Variants in LHFPL2 observed in about 807,000 individuals in gnomAD.
LHFPL2 encodes LHFPL tetraspan subfamily member 2.
In LHFPL2, 7 loss-of-function variants were observed where a neutral mutation model predicts 17.5. That is an observed-to-expected ratio of 0.40 (90% CI 0.23 to 0.75). LHFPL2 has a LOEUF of 0.75. LHFPL2 is among the 30% of genes least tolerant of loss of function. LHFPL2 has a pLI of 0.37. For missense variants in LHFPL2, 241 were observed against 294.8 expected, an observed-to-expected ratio of 0.82 and a Z score of 1.34; for synonymous variants, 134 against 116.2, an observed-to-expected ratio of 1.15 and a Z score of -0.99.
chr5:78,619,105 A>C (rs1358289342), intron 2 of LHFPL2, among the ~76,000 whole-genome samples: 3 of 152,138 alleles, frequency 2.0e-5, no homozygotes, highest in Non-Finnish European at 4.4e-5. Context: ...AGCTTACTGC[A>C]ACCTCTGCCT....
chr5:78,530,717 G>C (rs78541229), intron 3 of LHFPL2, among the ~76,000 whole-genome samples: 2,854 of 152,168 alleles, frequency 0.019, 103 homozygotes, highest in African/African-American at 0.064. Context: ...ACTCATCCTT[G>C]GTCACCAACA....
intron 3 of LHFPL2, among the ~76,000 whole-genome samples, chr5:78,532,392 C>T (rs937960733): frequency 2.6e-5 from 4 of 152,110 alleles, no homozygotes; most frequent in African/African-American, 9.7e-5. Flanking sequence ...TTTTCTCCTG[C>T]TAAGAGATGT....
At chr5:78,495,648 C>A (rs149327772) in intron 4 of LHFPL2, among the ~76,000 whole-genome samples, 144 of 152,296 alleles carry the variant, frequency 9.5e-4, no homozygotes, top group African/African-American at 3.3e-3. Flanking sequence ...CACTCAGCAC[C>A]TTTACTAAGT....
intron 3 of LHFPL2, among the ~76,000 whole-genome samples, chr5:78,517,284 C>G (rs1382006147): frequency 2.0e-5 from 3 of 152,186 alleles, no homozygotes; most frequent in African/African-American, 7.2e-5. Context: ...CTCTTTTGAC[C>G]CCCATGCTCA....
At chr5:78,638,197 A>G (rs557903638) in intron 1 of LHFPL2, among the ~76,000 whole-genome samples, 1 of 152,236 alleles carries the variant, frequency 6.6e-6, no homozygotes, top group South Asian at 2.1e-4. Context: ...TACTAAAAAT[A>G]CAAAAAAATT....
chr5:78,510,819 T>G (rs1755096806), intron 3 of LHFPL2, among the ~76,000 whole-genome samples: 1 of 152,246 alleles, frequency 6.6e-6, no homozygotes. Context: ...GTTTTGTTTT[T>G]AAGTTTGCAA....
intron 3 of LHFPL2, among the ~76,000 whole-genome samples, chr5:78,535,022 G>T (rs1001505116): frequency 6.6e-6 from 1 of 152,210 alleles, no homozygotes; most frequent in Admixed American, 6.5e-5. Context: ...CAAGTTTGTT[G>T]GAATGTACGG....
At chr5:78,557,863 G>T (rs1158978746) in intron 3 of LHFPL2, among the ~76,000 whole-genome samples, 1 of 152,192 alleles carries the variant, frequency 6.6e-6, no homozygotes, top group Admixed American at 6.5e-5. Flanking sequence ...TGGCTCTGGG[G>T]ATGCCAGTGC....
intron 2 of LHFPL2, among the ~76,000 whole-genome samples, chr5:78,589,252 C>T (rs539046753): frequency 8.2e-4 from 125 of 152,192 alleles, no homozygotes; most frequent in African/African-American, 2.9e-3. Context: ...AGGTGGATCA[C>T]GAGGTCAGGA....
chr5:78,631,456 A>T (rs765120586), intron 2 of LHFPL2, among the ~76,000 whole-genome samples: 4 of 152,244 alleles, frequency 2.6e-5, no homozygotes, highest in Admixed American at 1.3e-4. Flanking sequence ...AAACCATGCT[A>T]GGTGGGAGAT....
chr5:78,582,960 C>A (rs1019847423), intron 2 of LHFPL2, among the ~76,000 whole-genome samples: 37 of 152,194 alleles, frequency 2.4e-4, no homozygotes, highest in African/African-American at 8.4e-4. Flanking sequence ...CTTTATGAAT[C>A]TGGGTGCTCC....
intron 3 of LHFPL2, among the ~76,000 whole-genome samples, chr5:78,524,386 G>C (rs1198846326): frequency 1.3e-5 from 2 of 152,160 alleles, no homozygotes; most frequent in Admixed American, 1.3e-4. Flanking sequence ...AAAATGTCTG[G>C]CGTAATTATT....
chr5:78,645,743 C>A (rs534770182), intron 1 of LHFPL2, among the ~76,000 whole-genome samples: 3 of 152,204 alleles, frequency 2.0e-5, no homozygotes, highest in African/African-American at 7.2e-5. Flanking sequence ...CCACCACACC[C>A]GGCTAATTTT....
chr5:78,584,837 G>GT lies in LHFPL2; in HGVS notation c.-244-19967dup, dbSNP rs1382883355. ...CCTGTTGGAGCTTCCTGGCTGCTCT[G>GT]TTTACCTAAGCAAGCCTGGGCAATG... On this transcript the variant is annotated intron_variant, in intron 2 of 4. Transcript: ENST00000380345. 2.6e-5 allele frequency among the ~76,000 whole-genome samples: 4 copies of GT among 152,208 alleles called. No individual in the cohort carries two copies. The East Asian group carries it at 7.7e-4, about 29-fold the overall frequency.
At chr5:78,624,503 C>T (rs983730505) in intron 2 of LHFPL2, among the ~76,000 whole-genome samples, 1 of 152,214 alleles carries the variant, frequency 6.6e-6, no homozygotes, top group Non-Finnish European at 1.5e-5. Flanking sequence ...CTCAGCCAGG[C>T]TGGGAGGAGG....
chr5:78,495,660 G>A (rs7724170), intron 4 of LHFPL2, among the ~76,000 whole-genome samples: 2 of 152,156 alleles, frequency 1.3e-5, no homozygotes, highest in African/African-American at 4.8e-5. Flanking sequence ...TTACTAAGTC[G>A]AAATCAAACA....
rs911339636 is a variant in LHFPL2, at chr5:78,612,755, G to A, written c.-245+19509C>T. Among the ~76,000 whole-genome samples, 3 of 152,330 alleles carry A rather than the reference G, an allele frequency of 2.0e-5. No homozygotes were observed. The South Asian group carries it at 6.2e-4, about 32-fold the overall frequency. Reference sequence around the variant, plus strand: ...CGACAACCCAGAGGCCTGGTGCCAGGCGCAGTCTTCAAAGAGCTGGACTCC... The same window carrying A: ...CGACAACCCAGAGGCCTGGTGCCAGACGCAGTCTTCAAAGAGCTGGACTCC... On this transcript the variant is annotated intron_variant, in intron 2 of 4. Coordinates refer to ENST00000380345, the MANE Select transcript of LHFPL2 (RefSeq NM_005779.3).
At chr5:78,575,568 A>T (rs561573560) in intron 2 of LHFPL2, among the ~76,000 whole-genome samples, 1 of 152,138 alleles carries the variant, frequency 6.6e-6, no homozygotes, top group East Asian at 1.9e-4. Flanking sequence ...AAAAAGAAAA[A>T]CCCACATGGC....
intron 2 of LHFPL2, among the ~76,000 whole-genome samples, chr5:78,580,066 T>C (rs1214733421): frequency 5.3e-5 from 8 of 152,228 alleles, no homozygotes; most frequent in African/African-American, 1.7e-4. Flanking sequence ...TGGTATCTCA[T>C]TGTGGTTTTG....
Sources: gnomAD v4.1 joint callset for allele counts (sites outside exome capture counted in the v4.1 genomes callset) on GRCh38, gnomAD v4.1.1 for gene constraint, MANE v1.5 for transcripts, NCBI Gene and HGNC (gene_info 2026-07-23, HGNC 2026-07-21) for gene names.